HTR7: variants seen among roughly 807,000 people sequenced by gnomAD.
HTR7 encodes the protein 5-hydroxytryptamine receptor 7.
HTR7 carries 16 observed loss-of-function variants against 34.0 expected under a neutral mutation model. The ratio of observed to expected loss-of-function variants is 0.47; its 90% CI spans 0.32 to 0.71. The LOEUF (loss-of-function observed/expected upper bound fraction) is 0.71. HTR7 is among the 30% of genes least tolerant of loss of function. The probability of loss-of-function intolerance (pLI) is 0.04; values close to 1 mark genes in which losing one functional copy is unlikely to be tolerated. For synonymous variants in HTR7, 265 were observed against 260.2 expected, an observed-to-expected ratio of 1.02 and a Z score of -0.18; for missense variants, 504 against 625.5, an observed-to-expected ratio of 0.81 and a Z score of 2.07.
chr10:90,749,687 C>G lies in HTR7; in HGVS notation c.540-93G>C. 8.6e-7 allele frequency: 1 copy of G among 1,164,196 alleles called. No individual in the cohort carries two copies. Among genetic ancestry groups the G allele is most frequent in the Non-Finnish European group, 1.2e-6 (1 of 819,260 alleles). The allele number at this position is 1,164,196 out of a possible 1,614,324, so 72.1% of individuals were successfully genotyped here. ...CCAGCCAGGTACCAGCGCCAGTCCT[C>G]GCAACAGCCCTTCTAGGTAGGCATC... On this transcript the variant is annotated intron_variant, in intron 1 of 3. Coordinates refer to ENST00000336152, the MANE Select transcript of HTR7 (RefSeq NM_019859.4). The surrounding 1 kb of genome is among the most constrained non-coding windows in gnomAD (Gnocchi z 4.2).
At chr10:90,752,345 A>G (rs907570365) in intron 1 of HTR7, among the ~76,000 whole-genome samples, 1 of 152,196 alleles carries the variant, frequency 6.6e-6, no homozygotes, top group African/African-American at 2.4e-5. Flanking sequence ...CTTTTTAAAA[A>G]TAATACCTAC....
chr10:90,819,134 T>C (rs1251733967), intron 1 of HTR7, among the ~76,000 whole-genome samples: 1 of 152,130 alleles, frequency 6.6e-6, no homozygotes, highest in African/African-American at 2.4e-5. Flanking sequence ...AATTAGCCAG[T>C]CTCAGGTACT....
chr10:90,849,864 C>A (rs1846471666), intron 1 of HTR7, among the ~76,000 whole-genome samples: 1 of 152,178 alleles, frequency 6.6e-6, no homozygotes, highest in Non-Finnish European at 1.5e-5. Context: ...TGCCCGAAAG[C>A]ATCAAGCAGT....
chr10:90,791,036 A>T (rs10881833), intron 1 of HTR7, among the ~76,000 whole-genome samples: 12,882 of 152,060 alleles, frequency 0.085, 589 homozygotes, highest in East Asian at 0.16. Context: ...ACTCCCCTTC[A>T]TCTCTTCCAT....
At chr10:90,844,653 G>A (rs1465410739) in intron 1 of HTR7, among the ~76,000 whole-genome samples, 1 of 146,278 alleles carries the variant, frequency 6.8e-6, no homozygotes, top group Non-Finnish European at 1.5e-5. Flanking sequence ...CATGAACCCG[G>A]GAGGCGTAGC....
intron 1 of HTR7, among the ~76,000 whole-genome samples, chr10:90,845,217 G>A (rs571907134): frequency 5.3e-5 from 8 of 152,332 alleles, no homozygotes; most frequent in African/African-American, 1.9e-4. Flanking sequence ...GGAACAAGGT[G>A]CGGAAGTAAG....
In HTR7 at chr10:90,784,751, G is replaced by A. The variant is rs542165917; in HGVS notation, c.540-35157C>T. Among the ~76,000 whole-genome samples, 4 of 152,298 alleles carry A rather than the reference G, an allele frequency of 2.6e-5. No individual in the cohort carries two copies. In the South Asian group the frequency reaches 6.2e-4, roughly 24 times the overall value. ...GGAGCCAACACACTCTCTAAGACAGGCAGTCGGGAGAAAGCCTAATGATTC... is the reference window on the plus strand; with the variant it reads ...GGAGCCAACACACTCTCTAAGACAGACAGTCGGGAGAAAGCCTAATGATTC... On this transcript the variant is annotated intron_variant, in intron 1 of 3. Coordinates refer to ENST00000336152, the MANE Select transcript of HTR7 (RefSeq NM_019859.4).
intron 1 of HTR7, among the ~76,000 whole-genome samples, chr10:90,808,142 T>C (rs561367365): frequency 4.2e-4 from 64 of 152,316 alleles, no homozygotes; most frequent in South Asian, 1.5e-3. Flanking sequence ...AGGTGTCAGA[T>C]CACGCAGGGA....
chr10:90,796,799 G>T (rs1255891367), intron 1 of HTR7, among the ~76,000 whole-genome samples: 2 of 152,236 alleles, frequency 1.3e-5, no homozygotes, highest in African/African-American at 4.8e-5. Context: ...ACAAAGTCAG[G>T]AGATTGAGAC....
chr10:90,763,561 C>T (rs565842290), intron 1 of HTR7, among the ~76,000 whole-genome samples: 2 of 152,110 alleles, frequency 1.3e-5, no homozygotes, highest in Non-Finnish European at 2.9e-5. Context: ...AACCCATCAT[C>T]TAGGTTTTAA....
At chr10:90,811,681 C>A (rs1845812189) in intron 1 of HTR7, among the ~76,000 whole-genome samples, 1 of 152,102 alleles carries the variant, frequency 6.6e-6, no homozygotes, top group African/African-American at 2.4e-5. Context: ...GGCCCCCTCT[C>A]TTCCCTACAC....
chr10:90,778,252 CTG>C (rs1275551876), intron 1 of HTR7, among the ~76,000 whole-genome samples: 6 of 152,168 alleles, frequency 3.9e-5, no homozygotes, highest in African/African-American at 1.4e-4. Flanking sequence ...TAAGAGAAGA[CTG>C]GGTCAGGAGG....
intron 1 of HTR7, among the ~76,000 whole-genome samples, chr10:90,822,539 C>T (rs111516285): frequency 0.028 from 4,281 of 152,196 alleles, 207 homozygotes; most frequent in African/African-American, 0.097. Flanking sequence ...GGAAGCAGAG[C>T]ATAAAAGTTT....
intron 1 of HTR7, among the ~76,000 whole-genome samples, chr10:90,844,871 A>G: frequency 6.6e-6 from 1 of 152,040 alleles, no homozygotes; most frequent in East Asian, 1.9e-4. Flanking sequence ...CATCAATTAA[A>G]TAAGAATCTC....
intron 1 of HTR7, among the ~76,000 whole-genome samples, chr10:90,770,395 G>A (rs958826291): frequency 5.9e-5 from 9 of 152,178 alleles, no homozygotes; most frequent in South Asian, 2.1e-4. Context: ...GCTGCAAGGA[G>A]GCATAGCCTG....
chr10:90,828,591 AG>A (rs1245859860), intron 1 of HTR7, among the ~76,000 whole-genome samples: 2 of 152,166 alleles, frequency 1.3e-5, no homozygotes, highest in African/African-American at 4.8e-5. Context: ...TGGAAAACCT[AG>A]AAGAAATGGA....
intron 1 of HTR7, among the ~76,000 whole-genome samples, chr10:90,769,058 A>G (rs1564675528): frequency 6.6e-6 from 1 of 152,178 alleles, no homozygotes; most frequent in African/African-American, 2.4e-5. Flanking sequence ...AAATCCTGCA[A>G]TTACTAAGGG....
intron 1 of HTR7, among the ~76,000 whole-genome samples, chr10:90,774,457 T>C (rs1342558615): frequency 6.6e-6 from 1 of 152,182 alleles, no homozygotes; most frequent in Non-Finnish European, 1.5e-5. Context: ...TACCTCTTAT[T>C]ATGACTTCTG....
intron 1 of HTR7, among the ~76,000 whole-genome samples, chr10:90,784,288 T>C (rs988833008): frequency 6.6e-6 from 1 of 152,208 alleles, no homozygotes; most frequent in Non-Finnish European, 1.5e-5. Flanking sequence ...GTTCTTTCTC[T>C]GAAGCTCAAG....
Sources: gnomAD v4.1 joint callset for allele counts (sites outside exome capture counted in the v4.1 genomes callset) on GRCh38, gnomAD v4.1.1 for gene constraint, Gnocchi (gnomAD v3.1) non-coding constraint, MANE v1.5 for transcripts, NCBI Gene and HGNC (gene_info 2026-07-23, HGNC 2026-07-21) for gene names.